The following DAZL variants were observed in gnomAD, a reference collection of about 807,000 sequenced individuals.
DAZL encodes the protein deleted in azoospermia-like.
Under a neutral mutation model 45.0 loss-of-function variants are expected in DAZL, and 4 were observed. The ratio of observed to expected loss-of-function variants is 0.09; its 90% CI spans 0.04 to 0.20. The LOEUF is 0.20. DAZL is among the 10% of genes least tolerant of loss of function. DAZL has a pLI of 1.00. For missense variants in DAZL, 326 were observed against 351.3 expected (o/e 0.93, Z 0.58); for synonymous variants, 122 against 112.4 (o/e 1.09, Z -0.54).
Position 16,596,856 on chromosome 3 carries a change from A to T in DAZL, c.392T>A (p.Phe131Tyr). The T allele has an allele frequency of 6.2e-7, 1 of 1,613,934 alleles. No homozygotes were observed. Among genetic ancestry groups the T allele is most frequent in the African/African-American group, 1.3e-5 (1 of 75,068 alleles). ...AYHVQPRPLV[F>Y]NHPPPPQFQN... ...AAACTGTGGTGGAGGAGGATGATTAAAAACCAAAGGACGTGGCTGCACATG... is the reference window on the plus strand; with the variant it reads ...AAACTGTGGTGGAGGAGGATGATTATAAACCAAAGGACGTGGCTGCACATG... Residue 131 changes from phenylalanine to tyrosine, a missense_variant, in exon 6 of 11, where the codon TTT (phenylalanine) becomes TAT (tyrosine). Phe to Tyr is a conservative substitution (Grantham distance 22). Transcript: ENST00000399444.
chr3:16,593,057 CG>C (rs148456900), intron 9 of DAZL, among the ~76,000 whole-genome samples: 28,681 of 151,972 alleles, frequency 0.19, 3,537 homozygotes, highest in African/African-American at 0.34. Flanking sequence ...GAGAGAATGC[CG>C]TAAGTAATGT....
intron 9 of DAZL, among the ~76,000 whole-genome samples, chr3:16,592,555 C>A (rs71310353): frequency 0.026 from 3,661 of 142,438 alleles, 63 homozygotes; most frequent in Non-Finnish European, 0.04. Flanking sequence ...GGCAACACAG[C>A]GAGACTCTGT....
Position 16,588,561 on chromosome 3 carries a change from T to A in DAZL, c.*99A>T. The A allele has an allele frequency of 1.1e-6, 1 of 911,336 alleles. No individual in the cohort carries two copies. Among genetic ancestry groups the A allele is most frequent in the Non-Finnish European group, 1.8e-6 (1 of 543,190 alleles). 56.5% of individuals were successfully genotyped at this position (911,336 alleles called of 1,614,324 possible). A position where few individuals can be genotyped will look rare whatever the true frequency, so the allele number is the denominator to read the frequency against. The stretch of plus-strand genomic sequence containing the variant: ...ATACAACTTATACACAAAGTTTGAG[T>A]GTGATTTACCAAAATTCAGAATTTC... On this transcript the variant is annotated 3_prime_UTR_variant, in exon 11 of 11. Coordinates refer to ENST00000399444, the MANE Select transcript of DAZL (RefSeq NM_001351.4).
At chr3:16,596,135 T>C (rs1694596391) in intron 6 of DAZL, among the ~76,000 whole-genome samples, 1 of 152,038 alleles carries the variant, frequency 6.6e-6, no homozygotes, top group Non-Finnish European at 1.5e-5. Context: ...TGCTACTTTA[T>C]TTTCCAGCAA....
chr3:16,604,458 C>T, intron 1 of DAZL: 1 of 1,532,424 alleles, frequency 6.5e-7, no homozygotes, highest in Non-Finnish European at 8.7e-7. Flanking sequence ...GCAAAGATGG[C>T]GTCAGGCGAG....
intron 2 of DAZL, 87 bp downstream of exon 2, chr3:16,598,365 T>C (rs577913016): frequency 1.3e-6 from 2 of 1,551,846 alleles, no homozygotes; most frequent in East Asian, 2.3e-5. Context: ...CTCCATGAAG[T>C]ACAAAAAAAC....
rs759030609 is a variant in DAZL at position 16,597,555 on chromosome 3, TA to T, written c.243-15del. 6.5e-7 allele frequency: 1 copy of T among 1,532,932 alleles called. No homozygotes were observed. Among genetic ancestry groups the T allele is most frequent in the Non-Finnish European group, 9.0e-7 (1 of 1,106,504 alleles). The allele number at this position is 1,532,932 out of a possible 1,614,324, so 95.0% of individuals were successfully genotyped here. A position where few individuals can be genotyped will look rare whatever the true frequency, so the allele number is the denominator to read the frequency against. ...ACAAATCCATAGCTATAAAGGCAGATAAATGAAGTATAAAATCACCATCATA... is the reference window on the plus strand; with the variant it reads ...ACAAATCCATAGCTATAAAGGCAGATAATGAAGTATAAAATCACCATCATA... On this transcript the variant is annotated splice_polypyrimidine_tract_variant and intron_variant, in intron 3 of 10. Coordinates refer to ENST00000399444, the MANE Select transcript of DAZL (RefSeq NM_001351.4).
intron 1 of DAZL, chr3:16,604,922 G>A: frequency 7.4e-6 from 5 of 671,374 alleles, no homozygotes; most frequent in Non-Finnish European, 1.2e-5. Context: ...GGTGCCTCAA[G>A]AAGGCCGTGG....
Position 16,595,352 on chromosome 3 carries a change from C to T in DAZL, c.532G>A (p.Val178Ile), listed in dbSNP as rs772572791. The T allele has an allele frequency of 1.3e-6, 2 of 1,584,106 alleles. No individual in the cohort carries two copies. The highest frequency in any genetic ancestry group is 2.3e-5 in the East Asian group (1 of 44,320). Residue 178 changes from valine to isoleucine, a missense_variant, in exon 7 of 11, where the codon GTC becomes ATC. This residue lies in a region of DAZL where 227 missense variants were observed against 216.6 expected (regional missense o/e 1.05). Transcript: ENST00000399444. ...YPTYPNSPVQ[V>I]ITGYQLPVYN... ...ACAGGCAACTGATATCCAGTGATGA[C>T]CTGAACTGGTGAATTTGGGTAAGTA...
chr3:16,599,353 C>T (rs961811260), intron 1 of DAZL, among the ~76,000 whole-genome samples: 2 of 152,122 alleles, frequency 1.3e-5, no homozygotes, highest in Admixed American at 1.3e-4. Flanking sequence ...AAATAAGCCT[C>T]AAAGTTTTAA....
rs750401456 is a variant in DAZL, at chr3:16,588,669, T to C, written c.879A>G (p.Lys293=). The stretch of plus-strand genomic sequence containing the variant: ...AGATAAGCCAGGAGGATCAAACAGA[T>C]TTAAGCATTGCCCGACTTCTTCTAA... ...HHFRRSRAML[K]SV is the part of the protein sequence containing the mutation. Residue 293 remains lysine, a synonymous_variant, in exon 11 of 11, where the codon AAA becomes AAG. Transcript: ENST00000399444. The C allele has an allele frequency of 6.2e-7, 1 of 1,611,026 alleles. No homozygotes were observed. Among genetic ancestry groups the C allele is most frequent in the Non-Finnish European group, 8.5e-7 (1 of 1,177,562 alleles).
chr3:16,602,566 A>G (rs1694708295), intron 1 of DAZL, among the ~76,000 whole-genome samples: 1 of 152,230 alleles, frequency 6.6e-6, no homozygotes, highest in Non-Finnish European at 1.5e-5. Flanking sequence ...CTAACAGCAT[A>G]TAAGTAACAA....
Position 16,598,609 on chromosome 3 carries a change from G to T in DAZL, c.4-11C>A. 6.3e-7 allele frequency: 1 copy of T among 1,590,974 alleles called. No homozygotes were observed. Among genetic ancestry groups the T allele is most frequent in the Non-Finnish European group, 8.5e-7 (1 of 1,174,754 alleles). On this transcript the variant is annotated splice_polypyrimidine_tract_variant and intron_variant, in intron 1 of 10. Transcript: ENST00000399444. ...AGGATTTGCAGTAGACTGTAATTTGGAAAGTAGACATCATAATTAGATACA... is the reference window on the plus strand; with the variant it reads ...AGGATTTGCAGTAGACTGTAATTTGTAAAGTAGACATCATAATTAGATACA...
chr3:16,592,283 G>A lies in DAZL; in HGVS notation c.736-135C>T, dbSNP rs115761331. 1.7e-3 allele frequency: 2,248 copies of A among 1,351,432 alleles called. 33 individuals are homozygous for A. The African/African-American group carries it at 0.03, about 18-fold the overall frequency. 83.7% of individuals were successfully genotyped at this position (1,351,432 alleles called of 1,614,324 possible). Reference sequence around the variant, plus strand: ...CAAAAAATGCTAAAAGAGACTGGGAGTGGTGGCTCACGCCTGTAATCCCAG... The same window carrying A: ...CAAAAAATGCTAAAAGAGACTGGGAATGGTGGCTCACGCCTGTAATCCCAG... On this transcript the variant is annotated intron_variant, in intron 9 of 10. Coordinates refer to ENST00000399444, the MANE Select transcript of DAZL (RefSeq NM_001351.4).
At chr3:16,602,807 T>C (rs540876315) in intron 1 of DAZL, among the ~76,000 whole-genome samples, 1 of 152,316 alleles carries the variant, frequency 6.6e-6, no homozygotes, top group African/African-American at 2.4e-5. Flanking sequence ...AATTCTACCC[T>C]ATCATTAAGC....
Position 16,605,241 on chromosome 3 carries a change from G to T in DAZL, c.-36C>A. ...GGCAGCAGTTCCCGACCGGCTCCAG[G>T]AGGAGCAGAGGCTGTGCTTGGCGCA... is the stretch of plus-strand genomic sequence containing the variant. On this transcript the variant is annotated 5_prime_UTR_variant, in exon 1 of 11. Transcript: ENST00000399444. The T allele has an allele frequency of 6.2e-7, 1 of 1,614,068 alleles. No individual in the cohort carries two copies. The highest frequency in any genetic ancestry group is 1.3e-5 in the African/African-American group (1 of 75,078).
intron 1 of DAZL, among the ~76,000 whole-genome samples, chr3:16,604,178 A>G (rs550061109): frequency 6.6e-6 from 1 of 152,290 alleles, no homozygotes; most frequent in East Asian, 1.9e-4. Context: ...CTCCCTGAAG[A>G]GACTGAGAAT....
intron 1 of DAZL, among the ~76,000 whole-genome samples, chr3:16,603,630 G>A (rs979615904): frequency 2.6e-5 from 4 of 152,112 alleles, no homozygotes; most frequent in Non-Finnish European, 5.9e-5. Context: ...ACAGGCGTGA[G>A]CCACCGCGCC....
At chr3:16,593,578 G>A in intron 9 of DAZL, 77 bp downstream of exon 9, 2 of 947,402 alleles carry the variant, frequency 2.1e-6, no homozygotes, top group Non-Finnish European at 3.2e-6. Flanking sequence ...GCTGAAGGAT[G>A]ATTGCTTCTC....
Sources: gnomAD v4.1 joint callset for allele counts (sites outside exome capture counted in the v4.1 genomes callset) on GRCh38, gnomAD v4.1.1 for gene constraint, gnomAD v4.1.1 regional missense constraint, MANE v1.5 for transcripts, NCBI Gene and HGNC (gene_info 2026-07-23, HGNC 2026-07-21) for gene names.